The following CPED1 variants were observed in gnomAD, a reference collection of about 807,000 sequenced individuals.
The protein encoded by CPED1 is cadherin-like and PC-esterase domain-containing protein 1.
A neutral mutation model predicts 128.2 loss-of-function variants in CPED1; 114 were observed. The ratio of observed to expected loss-of-function variants is 0.89; its 90% CI spans 0.76 to 1.04. The LOEUF (loss-of-function observed/expected upper bound fraction) is 1.04. Among genes scored for constraint, CPED1 ranks in the 50% least tolerant of loss-of-function variants. The pLI, the probability that CPED1 is intolerant of heterozygous loss-of-function variation, is 0.00. For missense variants in CPED1, 1,211 were observed against 1,207.1 expected (o/e 1.00, Z -0.05); for synonymous variants, 462 against 426.7 (o/e 1.08, Z -1.02).
intron 16 of CPED1, among the ~76,000 whole-genome samples, chr7:121,214,117 G>A (rs1187003669): frequency 6.6e-6 from 1 of 151,984 alleles, no homozygotes; most frequent in Non-Finnish European, 1.5e-5. Flanking sequence ...TTCTGCTGAT[G>A]AAATGAAGTT....
At chr7:121,136,915 A>T (rs910291148) in intron 14 of CPED1, among the ~76,000 whole-genome samples, 1 of 152,070 alleles carries the variant, frequency 6.6e-6, no homozygotes, top group Non-Finnish European at 1.5e-5. Flanking sequence ...AAAGAAAAGA[A>T]AAAGAAAAAC....
Position 121,274,261 on chromosome 7 carries a change from AAG to A in CPED1, c.2868+2832_2868+2833del, listed in dbSNP as rs1231341087. ...GCCATGGTATTCAGAAACCACAAAAAAGGCTTTTTGAACCATCAGCACTAGAA... is the reference window on the plus strand; with the variant it reads ...GCCATGGTATTCAGAAACCACAAAAAGCTTTTTGAACCATCAGCACTAGAA... On this transcript the variant is annotated intron_variant, in intron 22 of 22. Transcript: ENST00000310396. Among the ~76,000 whole-genome samples, 7 of 152,262 alleles carry A rather than the reference AAG, an allele frequency of 4.6e-5. No individual in the cohort carries two copies. In the East Asian group the frequency reaches 1.4e-3, roughly 29 times the overall value.
rs71170227 is a variant in CPED1, at chr7:121,116,977, T to TACAC, written c.919-7342_919-7339dup. ...CTCTCTCTCTCTATATATATATATA[T>TACAC]ACACACACACACACATATATATACA... On this transcript the variant is annotated intron_variant, in intron 7 of 22. Transcript: ENST00000310396. 3.9e-4 allele frequency among the ~76,000 whole-genome samples: 47 copies of TACAC among 121,706 alleles called. 1 individual carries two copies. Among genetic ancestry groups the TACAC allele is most frequent in the Middle Eastern group, 3.9e-3 (1 of 258 alleles). The allele number at this position is 121,706 out of a possible 152,430, so 79.8% of individuals were successfully genotyped here. A position where few individuals can be genotyped will look rare whatever the true frequency, so the allele number is the denominator to read the frequency against.
At chr7:121,287,025 A>G (rs2707513) in intron 22 of CPED1, among the ~76,000 whole-genome samples, 1,790 of 152,196 alleles carry the variant, frequency 0.012, 24 homozygotes, top group African/African-American at 0.028. Context: ...ATTAAATCCC[A>G]TGAGAACTCA....
At chr7:121,192,934 T>C (rs377327527) in intron 16 of CPED1, among the ~76,000 whole-genome samples, 4 of 152,148 alleles carry the variant, frequency 2.6e-5, no homozygotes, top group African/African-American at 9.6e-5. Flanking sequence ...GGATCAACCA[T>C]GTATTTTCTG....
intron 5 of CPED1, among the ~76,000 whole-genome samples, chr7:121,078,451 C>A (rs1439240839): frequency 3.0e-5 from 4 of 132,322 alleles, no homozygotes; most frequent in Non-Finnish European, 6.1e-5. Flanking sequence ...GAGTTTGAGA[C>A]CAGCCTGGGT....
At chr7:121,149,910 G>C (rs1014043648) in intron 16 of CPED1, among the ~76,000 whole-genome samples, 1 of 151,982 alleles carries the variant, frequency 6.6e-6, no homozygotes, top group South Asian at 2.1e-4. Flanking sequence ...GGCTTTAATT[G>C]CTCCAAAATT....
chr7:121,273,099 A>G (rs1035408550), intron 22 of CPED1, among the ~76,000 whole-genome samples: 5 of 151,978 alleles, frequency 3.3e-5, no homozygotes, highest in African/African-American at 9.7e-5. Flanking sequence ...TTTCTATTAG[A>G]TATTGATTCA....
chr7:121,026,277 T>C (rs1245305679), intron 3 of CPED1, among the ~76,000 whole-genome samples: 1 of 152,212 alleles, frequency 6.6e-6, no homozygotes, highest in Non-Finnish European at 1.5e-5. Flanking sequence ...TTCAGGGGTC[T>C]ACCTGCTTCC....
At chr7:121,112,913 A>C (rs1172822720) in intron 7 of CPED1, among the ~76,000 whole-genome samples, 2 of 152,166 alleles carry the variant, frequency 1.3e-5, no homozygotes, top group African/African-American at 2.4e-5. Flanking sequence ...TAAATGTGAG[A>C]ATAGGGAAAT....
intron 13 of CPED1, among the ~76,000 whole-genome samples, chr7:121,135,076 A>G (rs1310895791): frequency 1.3e-5 from 2 of 152,048 alleles, no homozygotes; most frequent in Non-Finnish European, 2.9e-5. Flanking sequence ...AAAATTCTTT[A>G]TGATCTATTG....
In CPED1 at chr7:121,194,046, A is replaced by ATT. The variant is rs1372912698; in HGVS notation, c.2056-42667_2056-42666insTT. Reference sequence around the variant, plus strand: ...TCTATATATATATATATATATATATATATTTTTTTTTTTTTTTTTTGAGAC... The same window carrying ATT: ...TCTATATATATATATATATATATATATTTATTTTTTTTTTTTTTTTTTGAGAC... On this transcript the variant is annotated intron_variant, in intron 16 of 22. Coordinates refer to ENST00000310396, the MANE Select transcript of CPED1 (RefSeq NM_024913.5). Among the ~76,000 whole-genome samples, 465 of 52,950 alleles carry ATT rather than the reference A, an allele frequency of 8.8e-3. 3 individuals are homozygous for ATT. Among genetic ancestry groups the ATT allele is most frequent in the Middle Eastern group, 0.015 (1 of 66 alleles). The allele number at this position is 52,950 out of a possible 152,430, so 34.7% of individuals were successfully genotyped here. A position where few individuals can be genotyped will look rare whatever the true frequency, so the allele number is the denominator to read the frequency against.
At chr7:121,092,825 T>G (rs1794604769) in intron 5 of CPED1, among the ~76,000 whole-genome samples, 1 of 152,168 alleles carries the variant, frequency 6.6e-6, no homozygotes, top group Non-Finnish European at 1.5e-5. Flanking sequence ...TGGGACTGCA[T>G]TTCAGCTCTG....
At chr7:121,258,882 C>G (rs964717368) in intron 18 of CPED1, among the ~76,000 whole-genome samples, 1 of 152,016 alleles carries the variant, frequency 6.6e-6, no homozygotes, top group Non-Finnish European at 1.5e-5. Context: ...GCTACAAAAA[C>G]TTTATTTTCA....
At chr7:121,023,366 C>T (rs1052323685) in intron 3 of CPED1, among the ~76,000 whole-genome samples, 17 of 152,090 alleles carry the variant, frequency 1.1e-4, no homozygotes, top group African/African-American at 3.6e-4. Context: ...GACATTTTAT[C>T]TATCAGAGTT....
At chr7:121,206,683 A>G (rs911164176) in intron 16 of CPED1, among the ~76,000 whole-genome samples, 61 of 151,986 alleles carry the variant, frequency 4.0e-4, no homozygotes, top group Admixed American at 3.1e-3. Context: ...TTTTACTTAC[A>G]ATATTATGAA....
At chr7:121,000,368 T>C (rs1424827579) in intron 2 of CPED1, among the ~76,000 whole-genome samples, 2 of 152,102 alleles carry the variant, frequency 1.3e-5, no homozygotes, top group African/African-American at 4.8e-5. Context: ...ACATATGGAG[T>C]TCGGAAAGAA....
At chr7:121,188,025 A>G (rs1797042871) in intron 16 of CPED1, among the ~76,000 whole-genome samples, 1 of 152,154 alleles carries the variant, frequency 6.6e-6, no homozygotes, top group Non-Finnish European at 1.5e-5. Context: ...AGTAATTTAA[A>G]CACTGGATAC....
At chr7:121,168,755 G>T (rs181596980) in intron 16 of CPED1, among the ~76,000 whole-genome samples, 1 of 151,952 alleles carries the variant, frequency 6.6e-6, no homozygotes. Flanking sequence ...TCAGCCTTTG[G>T]TAACCAACCT....
Sources: gnomAD v4.1 joint callset for allele counts (sites outside exome capture counted in the v4.1 genomes callset) on GRCh38, gnomAD v4.1.1 for gene constraint, MANE v1.5 for transcripts, NCBI Gene and HGNC (gene_info 2026-07-23, HGNC 2026-07-21) for gene names.